LOC400499: variants seen among roughly 807,000 people sequenced by gnomAD.
the LOC400499 span, among the ~76,000 whole-genome samples, chr16:11,514,745 C>G: frequency 4.6e-5 from 7 of 152,168 alleles, no homozygotes; most frequent in Admixed American, 4.6e-4. Context: ...AACATCAGCC[C>G]AGGCAAAGGC....
the LOC400499 span, among the ~76,000 whole-genome samples, chr16:11,384,698 G>GTCATCTGGA: frequency 6.6e-6 from 1 of 152,254 alleles, no homozygotes; most frequent in African/African-American, 2.4e-5. Context: ...CCTCTGTGCG[G>GTCATCTGGA]TCATCTGGAC....
chr16:11,493,763 C>G, the LOC400499 span: 29 of 393,074 alleles, frequency 7.4e-5, no homozygotes, highest in South Asian at 3.8e-3. Flanking sequence ...GCTGCCAAGC[C>G]CGCGTTGCCG....
chr16:11,456,580 G>T, the LOC400499 span, among the ~76,000 whole-genome samples: 1 of 152,146 alleles, frequency 6.6e-6, no homozygotes, highest in Non-Finnish European at 1.5e-5. Flanking sequence ...ACTCATTAAA[G>T]ATAAGGTTTT....
At chr16:11,473,542 G>A in the LOC400499 span, among the ~76,000 whole-genome samples, 1 of 152,098 alleles carries the variant, frequency 6.6e-6, no homozygotes, top group African/African-American at 2.4e-5. Flanking sequence ...ATCACCCGAG[G>A]TCAGGAGTTC....
At chr16:11,395,466 G>A in the LOC400499 span, among the ~76,000 whole-genome samples, 1 of 152,204 alleles carries the variant, frequency 6.6e-6, no homozygotes, top group Non-Finnish European at 1.5e-5. Context: ...GGGCAGGCAG[G>A]GGCCTGGCTG....
the LOC400499 span, among the ~76,000 whole-genome samples, chr16:11,485,885 ATAGG>A: frequency 3.1e-4 from 47 of 152,146 alleles, no homozygotes; most frequent in African/African-American, 1.1e-3. Flanking sequence ...AGATGAATAG[ATAGG>A]TAGGTAGACA....
At chr16:11,487,543 G>A in the LOC400499 span, among the ~76,000 whole-genome samples, 1 of 151,982 alleles carries the variant, frequency 6.6e-6, no homozygotes, top group Middle Eastern at 3.2e-3. Flanking sequence ...GCCTTTTCAA[G>A]AACAGAGGGA....
At chr16:11,447,398 G>C in the LOC400499 span, among the ~76,000 whole-genome samples, 1 of 152,118 alleles carries the variant, frequency 6.6e-6, no homozygotes, top group Non-Finnish European at 1.5e-5. Context: ...CTGACATTCC[G>C]GTTCTCTGCC....
chr16:11,444,060 C>T, the LOC400499 span, among the ~76,000 whole-genome samples: 76,357 of 151,690 alleles, frequency 0.5, 19,395 homozygotes, highest in South Asian at 0.6. Context: ...AGGCTGGTCT[C>T]GAACACCTGA....
At chr16:11,404,299 G>A in the LOC400499 span, among the ~76,000 whole-genome samples, 1 of 152,160 alleles carries the variant, frequency 6.6e-6, no homozygotes. Flanking sequence ...GGGCCATCTT[G>A]CTTCCTGATG....
At chr16:11,400,902 C>T in the LOC400499 span, among the ~76,000 whole-genome samples, 1 of 152,158 alleles carries the variant, frequency 6.6e-6, no homozygotes, top group Non-Finnish European at 1.5e-5. Flanking sequence ...CGATAGGACA[C>T]ACCCGAGGCC....
chr16:11,374,505 C>T, the LOC400499 span, among the ~76,000 whole-genome samples: 7 of 152,204 alleles, frequency 4.6e-5, no homozygotes, highest in South Asian at 8.3e-4. Flanking sequence ...TCCCAGCTCC[C>T]GGCAGCCACC....
At chr16:11,500,719 G>A in the LOC400499 span, 1 of 397,726 alleles carries the variant, frequency 2.5e-6, no homozygotes, top group African/African-American at 2.1e-5. Flanking sequence ...TGGCACAAAA[G>A]AACTGATCAC....
chr16:11,474,564 G>C, the LOC400499 span, among the ~76,000 whole-genome samples: 1 of 152,200 alleles, frequency 6.6e-6, no homozygotes, highest in Middle Eastern at 3.4e-3. Flanking sequence ...GAAGTGGTTG[G>C]TAAAGGAAAA....
the LOC400499 span, among the ~76,000 whole-genome samples, chr16:11,482,520 T>C: frequency 1.8e-4 from 28 of 152,372 alleles, no homozygotes; most frequent in African/African-American, 6.0e-4. Context: ...TGCTATTTTT[T>C]GGAAGACACC....
chr16:11,513,710 T>C, the LOC400499 span, among the ~76,000 whole-genome samples: 4 of 152,116 alleles, frequency 2.6e-5, no homozygotes, highest in African/African-American at 9.7e-5. Flanking sequence ...GGATTATAGG[T>C]GTGAGCCACT....
chr16:11,469,955 GT>G, the LOC400499 span, among the ~76,000 whole-genome samples: 7,973 of 152,216 alleles, frequency 0.052, 676 homozygotes, highest in African/African-American at 0.18. Flanking sequence ...AGGCTGGAGT[GT>G]CAGCGGCATG....
chr16:11,402,056 C>G, the LOC400499 span: 1 of 399,210 alleles, frequency 2.5e-6, no homozygotes, highest in Non-Finnish European at 4.4e-6. Flanking sequence ...GCCATCCCAG[C>G]CGACAACCAG....
chr16:11,481,914 C>A, the LOC400499 span, among the ~76,000 whole-genome samples: 6 of 152,124 alleles, frequency 3.9e-5, no homozygotes, highest in Admixed American at 1.3e-4. Context: ...GGATTACAGA[C>A]ATGAGCCACC....
Sources: allele counts gnomAD v4.1 joint callset (sites outside exome capture counted in the v4.1 genomes callset), GRCh38; gene constraint gnomAD v4.1.1; transcripts MANE v1.5.